Variants in RPH3A observed in about 807,000 individuals in gnomAD.
The protein encoded by RPH3A is rabphilin-3A.
Under a neutral mutation model 102.2 loss-of-function variants are expected in RPH3A, and 48 were observed. That is an observed-to-expected ratio of 0.47 (90% CI 0.37 to 0.60). The LOEUF is 0.60. Among genes scored for constraint, RPH3A ranks in the 20% least tolerant of loss-of-function variants. RPH3A has a pLI of 0.00. For missense variants in RPH3A, 781 were observed against 910.1 expected, an observed-to-expected ratio of 0.86 and a Z score of 1.83; for synonymous variants, 310 against 324.3, an observed-to-expected ratio of 0.96 and a Z score of 0.47.
intron 1 of RPH3A, among the ~76,000 whole-genome samples, chr12:112,772,891 C>G (rs553812838): frequency 6.6e-6 from 1 of 152,202 alleles, no homozygotes; most frequent in South Asian, 2.1e-4. Context: ...CCCCCTCCCA[C>G]TCTTCCCCTC....
chr12:112,686,130 G>T (rs1251875710), intron 1 of RPH3A, among the ~76,000 whole-genome samples: 1 of 152,078 alleles, frequency 6.6e-6, no homozygotes, highest in Non-Finnish European at 1.5e-5. Flanking sequence ...GGGTTTTATG[G>T]GAACACCTAG....
At chr12:112,763,425 A>G (rs1747973207) in intron 1 of RPH3A, among the ~76,000 whole-genome samples, 1 of 152,254 alleles carries the variant, frequency 6.6e-6, no homozygotes, top group Admixed American at 6.5e-5. Context: ...ATAAGATATC[A>G]ATCGATACAT....
Position 112,816,128 on chromosome 12 carries a change from T to C in RPH3A, c.-18-12173T>C, listed in dbSNP as rs929848466. On this transcript the variant is annotated intron_variant, in intron 2 of 21. Coordinates refer to ENST00000389385, the MANE Select transcript of RPH3A (RefSeq NM_001143854.2). ...CTCTGCCCTGCCTCCAGTGGAGTCA[T>C]GTACTATATTTATTTCTGTGGGCTC... 2.0e-4 allele frequency among the ~76,000 whole-genome samples: 30 copies of C among 152,282 alleles called. No individual in the cohort carries two copies. In the East Asian group the frequency reaches 4.8e-3, roughly 24 times the overall value.
At chr12:112,642,771 T>C (rs1006948537) in intron 1 of RPH3A, among the ~76,000 whole-genome samples, 2 of 152,214 alleles carry the variant, frequency 1.3e-5, no homozygotes, top group African/African-American at 4.8e-5. Flanking sequence ...TACCAGGCAC[T>C]CTTCTAAGAC....
chr12:112,689,806 A>G (rs1180110233), intron 1 of RPH3A, among the ~76,000 whole-genome samples: 9 of 152,224 alleles, frequency 5.9e-5, no homozygotes, highest in Non-Finnish European at 1.3e-4. Flanking sequence ...AGAATGGATC[A>G]CTTGCATTGC....
intron 1 of RPH3A, among the ~76,000 whole-genome samples, chr12:112,621,892 C>G (rs879295002): frequency 3.8e-4 from 58 of 150,730 alleles, no homozygotes; most frequent in Non-Finnish European, 7.0e-4. Flanking sequence ...TCAAGTGGGT[C>G]CCTGACCCCT....
At chr12:112,712,139 A>G (rs1336479372) in intron 1 of RPH3A, among the ~76,000 whole-genome samples, 2 of 152,020 alleles carry the variant, frequency 1.3e-5, no homozygotes, top group African/African-American at 4.8e-5. Flanking sequence ...GCCTCTGTAC[A>G]TTTTAGTTCT....
chr12:112,813,956 G>A (rs2041626752), intron 2 of RPH3A, among the ~76,000 whole-genome samples: 1 of 151,942 alleles, frequency 6.6e-6, no homozygotes, highest in African/African-American at 2.4e-5. Context: ...TTGTGTGTGT[G>A]TGTGTGTGTG....
At position 112,856,484 on chromosome 12, in the gene RPH3A, ATGTGTGTG is replaced by A. The variant is rs3837520; in HGVS notation, c.230+8664_230+8671del. On this transcript the variant is annotated intron_variant, in intron 5 of 21. Coordinates refer to ENST00000389385, the MANE Select transcript of RPH3A (RefSeq NM_001143854.2). ...ATGTAGGTTCTGATCACACATGTGC[ATGTGTGTG>A]TGTGTGTGTGTGTGTGTGTGTATTC... Among the ~76,000 whole-genome samples, 35 of 149,474 alleles carry A rather than the reference ATGTGTGTG, an allele frequency of 2.3e-4. 1 individual carries two copies. The East Asian group carries it at 3.2e-3, about 14-fold the overall frequency.
At chr12:112,775,633 G>A (rs1021331251) in intron 1 of RPH3A, among the ~76,000 whole-genome samples, 3 of 152,144 alleles carry the variant, frequency 2.0e-5, no homozygotes, top group Non-Finnish European at 4.4e-5. Context: ...AGAAATAGAA[G>A]ACAGGAAAGG....
upstream of RPH3A, among the ~76,000 whole-genome samples, chr12:112,788,865 G>A (rs1295428861): frequency 3.9e-5 from 6 of 152,204 alleles, no homozygotes; most frequent in South Asian, 2.1e-4. Flanking sequence ...CTCTTCAAAT[G>A]TTTATTGAGG....
chr12:112,867,440 A>G (rs1310894436), intron 7 of RPH3A, among the ~76,000 whole-genome samples: 1 of 151,970 alleles, frequency 6.6e-6, no homozygotes, highest in Non-Finnish European at 1.5e-5. Context: ...TTCAATAACC[A>G]TGTTCTCCTC....
intron 1 of RPH3A, among the ~76,000 whole-genome samples, chr12:112,712,534 CAT>C (rs2040469627): frequency 2.6e-5 from 4 of 151,990 alleles, no homozygotes; most frequent in South Asian, 2.1e-4. Flanking sequence ...ATGTACTCAC[CAT>C]CCAGTTTAAG....
chr12:112,798,532 G>A (rs879263789), intron 2 of RPH3A, among the ~76,000 whole-genome samples: 8 of 152,308 alleles, frequency 5.3e-5, no homozygotes, highest in Admixed American at 1.3e-4. Flanking sequence ...ATGGCGGGGC[G>A]GCATTCTGGG....
chr12:112,887,217 C>T (rs1016114177), intron 16 of RPH3A, among the ~76,000 whole-genome samples: 3 of 152,146 alleles, frequency 2.0e-5, no homozygotes, highest in East Asian at 1.9e-4. Context: ...TCCATAGCAG[C>T]GTTATTCATA....
At chr12:112,765,969 C>G (rs564827193) in intron 1 of RPH3A, among the ~76,000 whole-genome samples, 12 of 152,296 alleles carry the variant, frequency 7.9e-5, no homozygotes, top group Non-Finnish European at 1.8e-4. Context: ...CACCATGGAC[C>G]CTTCCCCATA....
intron 1 of RPH3A, among the ~76,000 whole-genome samples, chr12:112,753,508 C>A (rs751063031): frequency 1.3e-5 from 2 of 152,134 alleles, no homozygotes; most frequent in Non-Finnish European, 2.9e-5. Context: ...TCCTCAGATG[C>A]CCTACTTTGC....
At chr12:112,699,352 A>G (rs925244534) in intron 1 of RPH3A, among the ~76,000 whole-genome samples, 4 of 152,358 alleles carry the variant, frequency 2.6e-5, no homozygotes, top group African/African-American at 9.6e-5. Context: ...AGCTTTATTC[A>G]TAATTCCTTA....
intron 1 of RPH3A, among the ~76,000 whole-genome samples, chr12:112,605,657 T>A (rs1019089539): frequency 1.3e-5 from 2 of 152,200 alleles, no homozygotes; most frequent in African/African-American, 4.8e-5. Flanking sequence ...TCCTCTCAGC[T>A]CTTTCTATAT....
Sources: allele counts gnomAD v4.1 joint callset (sites outside exome capture counted in the v4.1 genomes callset), GRCh38; gene constraint gnomAD v4.1.1; transcripts MANE v1.5; gene names NCBI Gene and HGNC (gene_info 2026-07-23, HGNC 2026-07-21).